Variants in TENM1 observed in about 807,000 individuals in gnomAD.
TENM1 encodes teneurin transmembrane protein 1, also known as teneurin-1.
A neutral mutation model predicts 174.8 loss-of-function variants in TENM1; 35 were observed. That is an observed-to-expected ratio of 0.20 (90% CI 0.15 to 0.27). The LOEUF (loss-of-function observed/expected upper bound fraction) is 0.27, where lower values mean the gene tolerates loss of function less well. Among genes scored for constraint, TENM1 ranks in the 10% least tolerant of loss-of-function variants. The pLI is 1.00. For synonymous variants in TENM1, 781 were observed against 798.7 expected (o/e 0.98, Z 0.37); for missense variants, 1,633 against 2,130.1 (o/e 0.77, Z 4.59).
At chrX:124,690,167 T>C (rs957000725) in intron 5 of TENM1, among the ~76,000 whole-genome samples, 4 of 111,810 alleles carry the variant, frequency 3.6e-5, no homozygotes, top group Non-Finnish European at 7.5e-5. Context: ...ACCATTCTTC[T>C]TTCTGACACT....
the TENM1 span, among the ~76,000 whole-genome samples, chrX:124,986,356 A>G: frequency 9.0e-6 from 1 of 111,212 alleles, no homozygotes; most frequent in Admixed American, 9.6e-5. Flanking sequence ...GCTGAGGAAG[A>G]AGCTGAAAGA....
chrX:124,389,915 T>A (rs763066536), intron 28 of TENM1, among the ~76,000 whole-genome samples: 5 of 111,961 alleles, frequency 4.5e-5, no homozygotes, highest in African/African-American at 1.6e-4. Context: ...AATCAGTAGC[T>A]ACCCTTTTAA....
intron 1 of TENM1, among the ~76,000 whole-genome samples, chrX:124,941,972 C>A (rs948608114): frequency 9.0e-6 from 1 of 111,327 alleles, no homozygotes; most frequent in African/African-American, 3.3e-5. Context: ...CAACAGATCT[C>A]TTGAGACTTA....
chrX:124,596,210 GA>G (rs58718227), intron 11 of TENM1, among the ~76,000 whole-genome samples: 26,588 of 109,800 alleles, frequency 0.24, 2,575 homozygotes, highest in South Asian at 0.38. Context: ...TGACTTAAGA[GA>G]AAAAAAAATT....
In TENM1 at chrX:124,541,969, C is replaced by G. The variant is rs766485951; in HGVS notation, c.2651+4905G>C. Among the ~76,000 whole-genome samples, 3 of 111,907 alleles carry G rather than the reference C, an allele frequency of 2.7e-5. No individual in the cohort carries two copies. The East Asian group carries it at 8.5e-4, about 32-fold the overall frequency. On this transcript the variant is annotated intron_variant, in intron 15 of 31. Coordinates refer to ENST00000422452, the Ensembl canonical transcript of TENM1. Reference sequence around the variant, plus strand: ...ACTCACTCTTGGAGCCCTAGGCTACCATATAAGAGCTCTGACAAACCTAAG... The same window carrying G: ...ACTCACTCTTGGAGCCCTAGGCTACGATATAAGAGCTCTGACAAACCTAAG...
the TENM1 span, among the ~76,000 whole-genome samples, chrX:124,985,342 A>G: frequency 1.8e-5 from 2 of 112,454 alleles, no homozygotes; most frequent in Non-Finnish European, 3.8e-5. Context: ...CAATCTTGCT[A>G]AATTTATTTA....
At chrX:124,941,001 T>C (rs185292112) in intron 1 of TENM1, among the ~76,000 whole-genome samples, 1,392 of 111,602 alleles carry the variant, frequency 0.012, 55 homozygotes, top group Admixed American at 0.11. Context: ...TGCTTATGTT[T>C]CTTTTCCATC....
At chrX:124,995,228 G>GT in the TENM1 span, among the ~76,000 whole-genome samples, 1 of 110,454 alleles carries the variant, frequency 9.1e-6, no homozygotes, top group Non-Finnish European at 1.9e-5. Context: ...ATATAGCGCT[G>GT]TATCTTCCCT....
chrX:125,139,712 T>C, the TENM1 span, among the ~76,000 whole-genome samples: 9 of 110,058 alleles, frequency 8.2e-5, no homozygotes, highest in Non-Finnish European at 1.7e-4. Context: ...TTGTACATCA[T>C]AACCCTTATA....
chrX:124,425,995 GGTGTGT>G (rs200141105), intron 23 of TENM1, among the ~76,000 whole-genome samples: 13,909 of 87,761 alleles, frequency 0.16, 989 homozygotes, highest in Admixed American at 0.24. Flanking sequence ...CAAAAGGACT[GGTGTGT>G]GTGTGTGTGT....
chrX:124,945,804 G>A (rs1456004521), intron 1 of TENM1, among the ~76,000 whole-genome samples: 2 of 111,049 alleles, frequency 1.8e-5, no homozygotes, highest in African/African-American at 6.6e-5. Context: ...GTAAATTTTG[G>A]AAAGTGATCC....
At chrX:124,417,562 CT>C (rs2060608255) in intron 25 of TENM1, among the ~76,000 whole-genome samples, 1 of 111,124 alleles carries the variant, frequency 9.0e-6, no homozygotes, top group South Asian at 3.9e-4. Context: ...CTTCAGATCT[CT>C]TTTCTTCATT....
the TENM1 span, among the ~76,000 whole-genome samples, chrX:125,150,161 T>C: frequency 1.8e-5 from 2 of 111,496 alleles, no homozygotes; most frequent in African/African-American, 6.5e-5. Flanking sequence ...AAAATGGTGG[T>C]TAGCTGTGAA....
the TENM1 span, among the ~76,000 whole-genome samples, chrX:125,078,044 C>A: frequency 9.0e-6 from 1 of 111,608 alleles, no homozygotes; most frequent in African/African-American, 3.2e-5. Flanking sequence ...AGGACAAACC[C>A]TGGGGTATGA....
At chrX:125,186,755 C>T in the TENM1 span, among the ~76,000 whole-genome samples, 1 of 111,219 alleles carries the variant, frequency 9.0e-6, no homozygotes, top group Non-Finnish European at 1.9e-5. Context: ...AATAAACCTC[C>T]TTTCTTTATA....
chrX:124,785,703 A>T (rs1045694771), intron 3 of TENM1, among the ~76,000 whole-genome samples: 2 of 112,169 alleles, frequency 1.8e-5, no homozygotes, highest in Admixed American at 9.4e-5. Flanking sequence ...AGATGCTGTA[A>T]CAAGTGCTAA....
At chrX:124,863,916 C>A (rs2147449961) in intron 3 of TENM1, among the ~76,000 whole-genome samples, 1 of 112,613 alleles carries the variant, frequency 8.9e-6, no homozygotes, top group East Asian at 2.8e-4. Context: ...GAGATAGACT[C>A]TGTTTCTTTG....
At chrX:124,586,522 T>G (rs2049519008) in intron 11 of TENM1, among the ~76,000 whole-genome samples, 1 of 111,589 alleles carries the variant, frequency 9.0e-6, no homozygotes, top group Non-Finnish European at 1.9e-5. Flanking sequence ...AAACTAGGTG[T>G]TGATGGGACC....
At chrX:124,890,106 A>G (rs2057450865) in intron 3 of TENM1, among the ~76,000 whole-genome samples, 1 of 112,312 alleles carries the variant, frequency 8.9e-6, no homozygotes, top group Non-Finnish European at 1.9e-5. Context: ...TTTATTTGCA[A>G]TTTATATTTT....
Sources: allele counts gnomAD v4.1 joint callset (sites outside exome capture counted in the v4.1 genomes callset), GRCh38; gene constraint gnomAD v4.1.1; transcripts MANE v1.5; gene names NCBI Gene and HGNC (gene_info 2026-07-23, HGNC 2026-07-21).